Variants in ANO10 observed in about 807,000 individuals in gnomAD.
The protein encoded by ANO10 is anoctamin-10.
In ANO10, 77 loss-of-function variants were observed where a neutral mutation model predicts 74.7. The ratio of observed to expected loss-of-function variants is 1.03; its 90% CI spans 0.86 to 1.25. The LOEUF is 1.25. ANO10 is among the 50% of genes most tolerant of loss of function. The pLI, the probability that ANO10 is intolerant of heterozygous loss-of-function variation, is 0.00. For synonymous variants in ANO10, 279 were observed against 284.9 expected, an observed-to-expected ratio of 0.98 and a Z score of 0.21; for missense variants, 721 against 778.1, an observed-to-expected ratio of 0.93 and a Z score of 0.87.
At chr3:43,384,859 G>A (rs954945682) in intron 12 of ANO10, among the ~76,000 whole-genome samples, 2 of 152,106 alleles carry the variant, frequency 1.3e-5, no homozygotes, top group Non-Finnish European at 2.9e-5. Context: ...CACTAGCTTA[G>A]GCAAAGACTT....
At chr3:43,604,729 C>A (rs1160401759) in intron 2 of ANO10, among the ~76,000 whole-genome samples, 1 of 152,038 alleles carries the variant, frequency 6.6e-6, no homozygotes, top group African/African-American at 2.4e-5. Context: ...TCTGAAGGCA[C>A]ACAATCAGCA....
intron 11 of ANO10, among the ~76,000 whole-genome samples, chr3:43,535,308 G>A (rs556605619): frequency 1.6e-5 from 2 of 124,482 alleles, no homozygotes; most frequent in African/African-American, 6.2e-5. Context: ...AAGAGGTCTC[G>A]CTCTGTCACC....
At chr3:43,472,666 T>C (rs1418763269) in intron 11 of ANO10, 1 of 152,112 alleles carries the variant, frequency 6.6e-6, no homozygotes, top group Non-Finnish European at 1.5e-5. Context: ...GCTCTTCCTA[T>C]TTGACGTAGG....
At chr3:43,482,999 G>C (rs1470120804) in intron 11 of ANO10, among the ~76,000 whole-genome samples, 1 of 152,192 alleles carries the variant, frequency 6.6e-6, no homozygotes, top group Non-Finnish European at 1.5e-5. Context: ...GGATCGTAAA[G>C]AAAGAGAATG....
At chr3:43,458,926 G>A (rs1294627037) in intron 11 of ANO10, among the ~76,000 whole-genome samples, 1 of 152,150 alleles carries the variant, frequency 6.6e-6, no homozygotes, top group East Asian at 1.9e-4. Context: ...TTCTGTTCCT[G>A]TGTTAGTTTG....
intron 11 of ANO10, among the ~76,000 whole-genome samples, chr3:43,459,688 C>T (rs571216013): frequency 6.6e-6 from 1 of 152,304 alleles, no homozygotes; most frequent in South Asian, 2.1e-4. Context: ...AGCTTCTGCT[C>T]AGGCCTCCAA....
intron 11 of ANO10, 48 bp downstream of exon 11, chr3:43,549,668 TAGAG>T: frequency 6.2e-7 from 1 of 1,603,856 alleles, no homozygotes; most frequent in Non-Finnish European, 8.5e-7. Context: ...TGCTTTGGAA[TAGAG>T]AAACGTAATA....
chr3:43,531,579 G>C (rs1465997827), intron 11 of ANO10, among the ~76,000 whole-genome samples: 1 of 152,100 alleles, frequency 6.6e-6, no homozygotes. Context: ...CTGACGATTT[G>C]TCATTTACAT....
chr3:43,664,200 A>G (rs2149574328), intron 1 of ANO10, among the ~76,000 whole-genome samples: 1 of 152,296 alleles, frequency 6.6e-6, no homozygotes, highest in Non-Finnish European at 1.5e-5. Context: ...CCAGTAGAAC[A>G]GAACGGAGTC....
intron 2 of ANO10, among the ~76,000 whole-genome samples, chr3:43,605,444 T>C (rs1337467139): frequency 6.6e-6 from 1 of 152,194 alleles, no homozygotes; most frequent in Non-Finnish European, 1.5e-5. Context: ...AACAGTGTGG[T>C]AGGCATACTA....
chr3:43,540,737 C>T (rs919422546), intron 11 of ANO10, among the ~76,000 whole-genome samples: 8 of 152,174 alleles, frequency 5.3e-5, no homozygotes, highest in African/African-American at 1.4e-4. Flanking sequence ...AGTCAGGGCA[C>T]TGTTAGGAGG....
intron 8 of ANO10, 44 bp downstream of exon 8, chr3:43,565,609 T>C (rs2080273128): frequency 2.8e-6 from 4 of 1,445,490 alleles, no homozygotes; most frequent in African/African-American, 1.4e-5. Context: ...GAAAACCACC[T>C]CTATGACCTA....
chr3:43,639,743 TC>T (rs1273524664), intron 1 of ANO10, among the ~76,000 whole-genome samples: 1 of 144,674 alleles, frequency 6.9e-6, no homozygotes, highest in African/African-American at 2.6e-5. Flanking sequence ...ACCACAGCAC[TC>T]CAGCCTGGCG....
At chr3:43,612,643 C>T (rs1214840611) in intron 1 of ANO10, among the ~76,000 whole-genome samples, 3 of 152,202 alleles carry the variant, frequency 2.0e-5, no homozygotes, top group South Asian at 4.1e-4. Context: ...TTCATACAAG[C>T]TTTAATGACT....
chr3:43,611,861 T>C (rs540153804), intron 1 of ANO10, among the ~76,000 whole-genome samples: 2 of 152,136 alleles, frequency 1.3e-5, no homozygotes, highest in East Asian at 3.9e-4. Flanking sequence ...AGGGTAGAGG[T>C]AGTCTACCTA....
chr3:43,485,870 A>G (rs2372437), intron 11 of ANO10: 248,812 of 266,030 alleles, frequency 0.94, 116,877 homozygotes, highest in Non-Finnish European at 0.97. Context: ...TAGTGTGCCC[A>G]AGACCTTCAT....
At chr3:43,380,020 G>C (rs75696496) in intron 12 of ANO10, among the ~76,000 whole-genome samples, 3,491 of 152,214 alleles carry the variant, frequency 0.023, 63 homozygotes, top group Non-Finnish European at 0.033. Flanking sequence ...GGAAATTAAG[G>C]ATGCACTTAG....
chr3:43,553,292 T>C (rs2079571406), intron 10 of ANO10, among the ~76,000 whole-genome samples: 1 of 152,210 alleles, frequency 6.6e-6, no homozygotes, highest in African/African-American at 2.4e-5. Flanking sequence ...CAAGGATTTC[T>C]TTGGTTTATC....
At chr3:43,375,855 T>C (rs2091786082) in intron 12 of ANO10, among the ~76,000 whole-genome samples, 3 of 152,250 alleles carry the variant, frequency 2.0e-5, no homozygotes, top group Admixed American at 2.0e-4. Flanking sequence ...TGCCATATAA[T>C]ATTTTTTGTT....
Sources: gnomAD v4.1 joint callset for allele counts (sites outside exome capture counted in the v4.1 genomes callset) on GRCh38, gnomAD v4.1.1 for gene constraint, MANE v1.5 for transcripts, NCBI Gene and HGNC (gene_info 2026-07-23, HGNC 2026-07-21) for gene names.